GATAD2B: variants seen among roughly 807,000 people sequenced by gnomAD.
The protein encoded by GATAD2B is GATA zinc finger domain containing 2B, also known as transcriptional repressor p66-beta.
A neutral mutation model predicts 64.3 loss-of-function variants in GATAD2B; 8 were observed. The ratio of observed to expected loss-of-function variants is 0.12; its 90% confidence interval spans 0.07 to 0.22. The LOEUF (loss-of-function observed/expected upper bound fraction) is 0.22, where lower values mean the gene tolerates loss of function less well. GATAD2B is among the 10% of genes least tolerant of loss of function. The pLI, the probability that GATAD2B is intolerant of heterozygous loss-of-function variation, is 1.00. For synonymous variants in GATAD2B, 281 were observed against 271.3 expected (o/e 1.04, Z -0.35); for missense variants, 453 against 752.0 (o/e 0.60, Z 4.65).
At chr1:153,914,109 G>A (rs979718492) in intron 1 of GATAD2B, among the ~76,000 whole-genome samples, 6 of 151,236 alleles carry the variant, frequency 4.0e-5, no homozygotes, top group African/African-American at 1.5e-4. Context: ...TGGGCATGGT[G>A]GCAGGCGCCT....
At chr1:153,819,370 A>G (rs1245114332) in intron 3 of GATAD2B, among the ~76,000 whole-genome samples, 1 of 152,194 alleles carries the variant, frequency 6.6e-6, no homozygotes, top group Admixed American at 6.5e-5. Context: ...TCATTTTCCA[A>G]AGATAAATAA....
At chr1:153,894,881 G>A (rs1339985956) in intron 1 of GATAD2B, among the ~76,000 whole-genome samples, 1 of 150,424 alleles carries the variant, frequency 6.6e-6, no homozygotes, top group Non-Finnish European at 1.5e-5. Context: ...AACAAAGGCT[G>A]GGCGAGGTGG....
intron 1 of GATAD2B, among the ~76,000 whole-genome samples, chr1:153,845,428 A>G (rs1197730951): frequency 2.0e-5 from 3 of 151,920 alleles, no homozygotes; most frequent in African/African-American, 7.3e-5. Context: ...CAAAATAGTG[A>G]TAGCCTGTCT....
At chr1:153,883,116 C>T (rs1173765651) in intron 1 of GATAD2B, among the ~76,000 whole-genome samples, 1 of 152,174 alleles carries the variant, frequency 6.6e-6, no homozygotes, top group Non-Finnish European at 1.5e-5. Context: ...ATTTGGACCT[C>T]TGAAATTCAC....
At chr1:153,813,158 G>A (rs1043165300) in intron 8 of GATAD2B, 92 bp downstream of exon 8, 24 of 884,450 alleles carry the variant, frequency 2.7e-5, no homozygotes, top group Non-Finnish European at 1.1e-5. Context: ...GACCTGTAGG[G>A]ATCACATGAA....
chr1:153,825,721 A>T (rs567214152), intron 2 of GATAD2B, among the ~76,000 whole-genome samples: 1 of 151,922 alleles, frequency 6.6e-6, no homozygotes, highest in South Asian at 2.1e-4. Flanking sequence ...ACCGCTTACT[A>T]AGAGTTTTTA....
intron 1 of GATAD2B, among the ~76,000 whole-genome samples, chr1:153,861,939 TA>T (rs1424077767): frequency 6.7e-6 from 1 of 149,812 alleles, no homozygotes; most frequent in African/African-American, 2.4e-5. Context: ...GGAAAATTTT[TA>T]GGATACAGAA....
chr1:153,893,163 GA>G (rs1489938714), intron 1 of GATAD2B, among the ~76,000 whole-genome samples: 4 of 152,132 alleles, frequency 2.6e-5, no homozygotes, highest in African/African-American at 9.7e-5. Context: ...CATTAGCATT[GA>G]TGAGCACATG....
intron 7 of GATAD2B, among the ~76,000 whole-genome samples, chr1:153,815,142 G>A (rs1193899916): frequency 1.2e-4 from 16 of 139,110 alleles, no homozygotes; most frequent in African/African-American, 4.3e-4. Flanking sequence ...GCATGGTGGT[G>A]CATACCAGTG....
intron 1 of GATAD2B, among the ~76,000 whole-genome samples, chr1:153,836,874 A>G (rs911916173): frequency 2.0e-5 from 3 of 152,198 alleles, no homozygotes; most frequent in Non-Finnish European, 2.9e-5. Flanking sequence ...AAGTAAGTCA[A>G]ATAATTTCCC....
intron 1 of GATAD2B, among the ~76,000 whole-genome samples, chr1:153,917,910 T>C (rs1259163488): frequency 6.6e-6 from 1 of 152,146 alleles, no homozygotes; most frequent in Non-Finnish European, 1.5e-5. Flanking sequence ...ACAATACAAT[T>C]TTAAAGAAAG....
chr1:153,874,631 C>T (rs558572231), intron 1 of GATAD2B, among the ~76,000 whole-genome samples: 1 of 152,158 alleles, frequency 6.6e-6, no homozygotes, highest in Admixed American at 6.6e-5. Context: ...GGCTGGAGTG[C>T]AGTGGCGCGA....
chr1:153,811,546 G>T, intron 10 of GATAD2B, 185 bp downstream of exon 10: 1 of 677,452 alleles, frequency 1.5e-6, no homozygotes, highest in Non-Finnish European at 2.6e-6. Context: ...CAAAACCCTA[G>T]TGCATTGTGG....
chr1:153,828,373 G>A (rs747811223), intron 1 of GATAD2B, 25 bp from the exon 2 acceptor site: 1 of 1,571,932 alleles, frequency 6.4e-7, no homozygotes, highest in South Asian at 1.1e-5. Flanking sequence ...ATACAAGTAA[G>A]ATCAGAATAA....
intron 8 of GATAD2B, 75 bp from the exon 9 acceptor site, chr1:153,812,207 TTA>T: frequency 9.2e-6 from 7 of 759,746 alleles, no homozygotes; most frequent in African/African-American, 3.6e-5. Flanking sequence ...TTTTTTTTTT[TTA>T]AACAGAGACA....
chr1:153,894,506 A>C (rs1433592176), intron 1 of GATAD2B, among the ~76,000 whole-genome samples: 1 of 151,780 alleles, frequency 6.6e-6, no homozygotes, highest in East Asian at 1.9e-4. Flanking sequence ...CTATATCTCT[A>C]TCTGGGTGGT....
rs869096882 is a variant in GATAD2B at position 153,820,974 on chromosome 1, A to ATTTTTTTTTTTTT, written c.336-1252_336-1240dup. On this transcript the variant is annotated intron_variant, in intron 2 of 10. Coordinates refer to ENST00000368655, the MANE Select transcript of GATAD2B (RefSeq NM_020699.4). ...GTCCTAGTTGCTGTTGGCACATGGA[A>ATTTTTTTTTTTTT]TTTTTTTTTTTTTTTTTTTTTTTTT... Among the ~76,000 whole-genome samples the ATTTTTTTTTTTTT allele has an allele frequency of 1.2e-4, 6 of 50,866 alleles. 1 individual carries two copies. Among genetic ancestry groups the ATTTTTTTTTTTTT allele is most frequent in the African/African-American group, 5.2e-4 (6 of 11,560 alleles). 33.4% of individuals were successfully genotyped at this position (50,866 alleles called of 152,430 possible).
intron 1 of GATAD2B, among the ~76,000 whole-genome samples, chr1:153,899,427 C>T (rs929095830): frequency 3.3e-5 from 5 of 151,950 alleles, no homozygotes; most frequent in Non-Finnish European, 4.4e-5. Context: ...AATAGCCACG[C>T]GTGGTTGCAC....
chr1:153,865,377 C>T (rs2101924804), intron 1 of GATAD2B, among the ~76,000 whole-genome samples: 1 of 152,120 alleles, frequency 6.6e-6, no homozygotes, highest in Admixed American at 6.6e-5. Context: ...AGGAGAATCG[C>T]TTGAACATGG....
Sources: gnomAD v4.1 joint callset for allele counts (sites outside exome capture counted in the v4.1 genomes callset) on GRCh38, gnomAD v4.1.1 for gene constraint, MANE v1.5 for transcripts, NCBI Gene and HGNC (gene_info 2026-07-23, HGNC 2026-07-21) for gene names.